The following IMMP2L variants were observed in gnomAD, a reference collection of about 807,000 sequenced individuals.
IMMP2L encodes mitochondrial inner membrane protease subunit 2.
A neutral mutation model predicts 19.3 loss-of-function variants in IMMP2L; 18 were observed. That is an observed-to-expected ratio of 0.93 (90% CI 0.64 to 1.38). The LOEUF (loss-of-function observed/expected upper bound fraction) is 1.38. Among genes scored for constraint, IMMP2L ranks in the 40% most tolerant of loss-of-function variants. The pLI is 0.00. For missense variants in IMMP2L, 233 were observed against 218.2 expected (o/e 1.07, Z -0.43); for synonymous variants, 76 against 73.0 (o/e 1.04, Z -0.21).
intron 3 of IMMP2L, among the ~76,000 whole-genome samples, chr7:111,361,867 T>C (rs1257678962): frequency 6.6e-6 from 1 of 152,156 alleles, no homozygotes; most frequent in Non-Finnish European, 1.5e-5. Flanking sequence ...AAATGGTTTG[T>C]TGAAGAAAGT....
chr7:111,144,061 A>G (rs1459803345), intron 3 of IMMP2L, among the ~76,000 whole-genome samples: 4 of 152,074 alleles, frequency 2.6e-5, no homozygotes, highest in Non-Finnish European at 4.4e-5. Context: ...CAAAATCTCT[A>G]TTTTTCTTAC....
chr7:110,755,095 A>C (rs1386245369), intron 5 of IMMP2L, among the ~76,000 whole-genome samples: 1 of 152,052 alleles, frequency 6.6e-6, no homozygotes, highest in African/African-American at 2.4e-5. Context: ...CTATGGGTCT[A>C]AAATATTAAC....
rs80267936 is a variant in IMMP2L at position 111,494,652 on chromosome 7, T to C, written c.136-7311A>G. On this transcript the variant is annotated intron_variant, in intron 2 of 5. Transcript: ENST00000405709. ...TTATTTAACCTGTCTCATTTCCTCA[T>C]CTATAAAATGGGGACTGACTGCAGG... Among the ~76,000 whole-genome samples, 312 of 152,232 alleles carry C rather than the reference T, an allele frequency of 2.0e-3. 3 individuals carry two copies. Among genetic ancestry groups the C allele is most frequent in the African/African-American group, 7.2e-3 (299 of 41,552 alleles).
At chr7:111,047,628 C>T (rs569787162) in intron 3 of IMMP2L, among the ~76,000 whole-genome samples, 2 of 152,288 alleles carry the variant, frequency 1.3e-5, no homozygotes, top group East Asian at 3.9e-4. Context: ...TCCCTTCACA[C>T]TCATCTAACT....
At chr7:111,212,194 C>A (rs1041020189) in intron 3 of IMMP2L, among the ~76,000 whole-genome samples, 2 of 152,026 alleles carry the variant, frequency 1.3e-5, no homozygotes, top group African/African-American at 2.4e-5. Context: ...CTCTCTTTCT[C>A]AACTTTCTGG....
chr7:111,077,663 C>G (rs998349438), intron 3 of IMMP2L, among the ~76,000 whole-genome samples: 1 of 152,200 alleles, frequency 6.6e-6, no homozygotes, highest in Non-Finnish European at 1.5e-5. Context: ...AGTTTTGAAA[C>G]AGTGAGTACA....
chr7:111,467,366 C>G (rs1840772829), intron 3 of IMMP2L, among the ~76,000 whole-genome samples: 1 of 152,186 alleles, frequency 6.6e-6, no homozygotes, highest in South Asian at 2.1e-4. Flanking sequence ...ATTCTATATA[C>G]AGTCCAGAAA....
At chr7:111,111,869 T>TA in intron 3 of IMMP2L, among the ~76,000 whole-genome samples, 1 of 150,282 alleles carries the variant, frequency 6.7e-6, no homozygotes, top group Non-Finnish European at 1.5e-5. Flanking sequence ...GCCTTTAAGT[T>TA]AAGTTAGGTG....
intron 3 of IMMP2L, among the ~76,000 whole-genome samples, chr7:111,091,937 A>C (rs1475434954): frequency 6.6e-6 from 1 of 152,130 alleles, no homozygotes; most frequent in African/African-American, 2.4e-5. Context: ...TTTTCTTCAC[A>C]TTATTTGTAG....
intron 3 of IMMP2L, among the ~76,000 whole-genome samples, chr7:111,237,888 T>C (rs963530535): frequency 6.6e-6 from 1 of 152,042 alleles, no homozygotes; most frequent in Admixed American, 6.6e-5. Flanking sequence ...TTTACTTTCC[T>C]GATCTGTAAA....
intron 3 of IMMP2L, among the ~76,000 whole-genome samples, chr7:111,018,443 T>G (rs1825923423): frequency 6.6e-6 from 1 of 152,216 alleles, no homozygotes; most frequent in South Asian, 2.1e-4. Flanking sequence ...GGACAGTTTC[T>G]AAAGAAAAGA....
chr7:110,693,899 T>C (rs887972249), intron 5 of IMMP2L, among the ~76,000 whole-genome samples: 18 of 152,152 alleles, frequency 1.2e-4, no homozygotes, highest in Admixed American at 2.6e-4. Context: ...GTAGCAATAA[T>C]GCAAGGGAGG....
intron 4 of IMMP2L, among the ~76,000 whole-genome samples, chr7:110,947,044 A>G (rs1817327805): frequency 6.6e-6 from 1 of 152,122 alleles, no homozygotes; most frequent in African/African-American, 2.4e-5. Context: ...AAAATGGACA[A>G]TTCTGGAATA....
rs538281268 is a variant in IMMP2L at position 111,390,178 on chromosome 7, C to T, written c.239+97060G>A. On this transcript the variant is annotated intron_variant, in intron 3 of 5. Coordinates refer to ENST00000405709, the MANE Select transcript of IMMP2L (RefSeq NM_032549.4). ...CAACATCGCCACAGCTGCAGAGAAC[C>T]GCCCTCCCTTGGGGTATTCGACATC... is the stretch of plus-strand genomic sequence containing the variant. 3.9e-5 allele frequency among the ~76,000 whole-genome samples: 6 copies of T among 152,206 alleles called. No homozygotes were observed. In the East Asian group the frequency reaches 1.2e-3, roughly 29 times the overall value.
At chr7:110,982,404 A>C (rs1226379993) in intron 3 of IMMP2L, among the ~76,000 whole-genome samples, 3 of 152,148 alleles carry the variant, frequency 2.0e-5, no homozygotes, top group Non-Finnish European at 4.4e-5. Context: ...GTTTTAGCTG[A>C]GTCCATATTG....
intron 3 of IMMP2L, among the ~76,000 whole-genome samples, chr7:111,081,834 T>C (rs919539586): frequency 6.6e-6 from 1 of 152,150 alleles, no homozygotes; most frequent in Non-Finnish European, 1.5e-5. Context: ...TCATTGACCA[T>C]ATCAAAAACA....
intron 5 of IMMP2L, among the ~76,000 whole-genome samples, chr7:110,866,151 T>C (rs1344515159): frequency 6.6e-6 from 1 of 152,002 alleles, no homozygotes. Flanking sequence ...ATTACATTTG[T>C]TGTTTTGGCT....
chr7:111,098,688 G>A (rs947181811), intron 3 of IMMP2L, among the ~76,000 whole-genome samples: 3 of 151,608 alleles, frequency 2.0e-5, no homozygotes, highest in Admixed American at 6.6e-5. Context: ...CATAACGACC[G>A]TACTAAGTAA....
intron 3 of IMMP2L, among the ~76,000 whole-genome samples, chr7:111,020,320 G>T (rs541263263): frequency 6.6e-6 from 1 of 152,242 alleles, no homozygotes; most frequent in Admixed American, 6.5e-5. Flanking sequence ...GGAGGCGAAG[G>T]TTGCAGTGAG....
Sources: allele counts gnomAD v4.1 joint callset (sites outside exome capture counted in the v4.1 genomes callset), GRCh38; gene constraint gnomAD v4.1.1; transcripts MANE v1.5; gene names NCBI Gene and HGNC (gene_info 2026-07-23, HGNC 2026-07-21).